IRAG1: variants seen among roughly 807,000 people sequenced by gnomAD.
IRAG1 encodes inositol 1,4,5-triphosphate receptor associated 1, also known as IP3R-associated cGMP kinase substrate.
A neutral mutation model predicts 106.2 loss-of-function variants in IRAG1; 62 were observed. The ratio of observed to expected loss-of-function variants is 0.58; its 90% CI spans 0.48 to 0.72. The LOEUF is 0.72. Ranked by LOEUF, IRAG1 falls within the 30% of genes least tolerant of loss-of-function variation. The probability of loss-of-function intolerance (pLI) is 0.00; values close to 1 mark genes in which losing one functional copy is unlikely to be tolerated. For missense variants in IRAG1, 1,064 were observed against 1,140.7 expected (o/e 0.93, Z 0.97); for synonymous variants, 462 against 443.9 (o/e 1.04, Z -0.51).
At chr11:10,612,007 T>C (rs1050278488) in intron 10 of IRAG1, among the ~76,000 whole-genome samples, 2 of 152,126 alleles carry the variant, frequency 1.3e-5, no homozygotes, top group African/African-American at 4.8e-5. Context: ...TTTTCTTGAA[T>C]GATATGAAGG....
rs1859705038 is a variant in IRAG1 at position 10,665,309 on chromosome 11, A to C, written c.68-13127T>G. Among the ~76,000 whole-genome samples the C allele has an allele frequency of 2.6e-5, 4 of 152,258 alleles. No individual in the cohort carries two copies. The South Asian group carries it at 8.3e-4, about 32-fold the overall frequency. On this transcript the variant is annotated intron_variant, in intron 1 of 20. Transcript: ENST00000423302. The surrounding 1 kb of genome is among the most constrained non-coding windows in gnomAD (Gnocchi z 4.2). ...GGCCCAGCATCTGGCCAGAAACCCC[A>C]GCCCAAACACAGAACCTTCTCCCAC...
intron 1 of IRAG1, among the ~76,000 whole-genome samples, chr11:10,671,304 T>C (rs1181904194): frequency 6.6e-6 from 1 of 152,250 alleles, no homozygotes; most frequent in Non-Finnish European, 1.5e-5. Context: ...GGATATATGA[T>C]TGATATAGTA....
chr11:10,660,628 G>A (rs10840460), intron 1 of IRAG1, among the ~76,000 whole-genome samples: 30,827 of 152,080 alleles, frequency 0.2, 4,737 homozygotes, highest in East Asian at 0.81. Flanking sequence ...GATGACTTTA[G>A]TATCACCCCA....
rs764825918 is a variant in IRAG1, at chr11:10,647,792, C to T, written c.225+4233G>A. On this transcript the variant is annotated intron_variant, in intron 2 of 20. Transcript: ENST00000423302. This position sits in a 1 kb window ranked among gnomAD's most constrained non-coding sequence, Gnocchi z 4.3. ...CCAGGTCTGGGGCCCTACAGTAAGG[C>T]GGAGATGGGCTGGTATGTGTCCTGA... Among the ~76,000 whole-genome samples the T allele has an allele frequency of 1.3e-5, 2 of 152,000 alleles. No individual in the cohort carries two copies. Among genetic ancestry groups the T allele is most frequent in the Non-Finnish European group, 2.9e-5 (2 of 67,994 alleles).
At chr11:10,585,136 CA>C (rs937884119) in intron 18 of IRAG1, among the ~76,000 whole-genome samples, 1 of 152,190 alleles carries the variant, frequency 6.6e-6, no homozygotes, top group Non-Finnish European at 1.5e-5. Flanking sequence ...TGTGTCATCA[CA>C]CATTATGCAC....
At chr11:10,668,868 T>C (rs1859996002) in intron 1 of IRAG1, among the ~76,000 whole-genome samples, 2 of 152,224 alleles carry the variant, frequency 1.3e-5, no homozygotes, top group South Asian at 2.1e-4. Flanking sequence ...AAAGCCCTGA[T>C]GGGAAGATGG....
Position 10,628,664 on chromosome 11 carries a change from G to T in IRAG1, c.652+87C>A. ...AGAGTTCTTGAAGGGGAAGCCTGCA[G>T]GCTGGGAGGCATGCTGATCTGTCCA... is the stretch of plus-strand genomic sequence containing the variant. On this transcript the variant is annotated intron_variant, in intron 6 of 20. Transcript: ENST00000423302. The surrounding 1 kb of genome is among the most constrained non-coding windows in gnomAD (Gnocchi z 4.1). 1 of 1,124,194 alleles carries T rather than the reference G, an allele frequency of 8.9e-7. No homozygotes were observed. The highest frequency in any genetic ancestry group is 1.2e-6 in the Non-Finnish European group (1 of 812,690). 69.6% of individuals were successfully genotyped at this position (1,124,194 alleles called of 1,614,324 possible). A position where few individuals can be genotyped will look rare whatever the true frequency, so the allele number is the denominator to read the frequency against.
At chr11:10,642,603 G>C (rs958258415) in intron 2 of IRAG1, among the ~76,000 whole-genome samples, 6 of 152,176 alleles carry the variant, frequency 3.9e-5, no homozygotes, top group Non-Finnish European at 7.3e-5. Flanking sequence ...ATCCCACCTG[G>C]GTGACCTTGG....
At position 10,623,788 on chromosome 11, in the gene IRAG1, C is replaced by T. The variant is rs867674840; in HGVS notation, c.1437G>A (p.Glu479=). The T allele has an allele frequency of 1.2e-6, 2 of 1,613,944 alleles. No individual in the cohort carries two copies. Among genetic ancestry groups the T allele is most frequent in the African/African-American group, 1.3e-5 (1 of 74,942 alleles). The change falls in exon 10 of 21, where the codon GAG becomes GAA. Residue 479 remains glutamate, a synonymous_variant. Transcript: ENST00000423302. ...LKLPDLSEAA[E]QEKGLPSELS... is the part of the protein sequence containing the mutation. ...CCCAACCCCACCTACCTTTTTCCTG[C>T]TCAGCTGCTTCACTAAGGTCTGGAA... is the stretch of plus-strand genomic sequence containing the variant.
intron 1 of IRAG1, among the ~76,000 whole-genome samples, chr11:10,675,741 T>C (rs1263328953): frequency 2.0e-5 from 3 of 152,218 alleles, no homozygotes; most frequent in Non-Finnish European, 4.4e-5. Context: ...CCCTCTTCCC[T>C]GACTGACAAA....
intron 1 of IRAG1, among the ~76,000 whole-genome samples, chr11:10,655,496 G>A (rs1304204498): frequency 4.6e-5 from 7 of 152,322 alleles, no homozygotes; most frequent in East Asian, 1.9e-4. Context: ...GGCAAGGGAC[G>A]ACCTTCTAGT....
chr11:10,633,125 A>T (rs1322875204), intron 3 of IRAG1, among the ~76,000 whole-genome samples: 15 of 134,142 alleles, frequency 1.1e-4, no homozygotes, highest in East Asian at 1.1e-3. Context: ...CCCAGGCTGG[A>T]GTGCAGTGGC....
chr11:10,577,257 A>G (rs1326587724), intron 20 of IRAG1, among the ~76,000 whole-genome samples: 1 of 152,006 alleles, frequency 6.6e-6, no homozygotes, highest in Non-Finnish European at 1.5e-5. Context: ...TTTATTCTCT[A>G]ATTTCTCCCT....
intron 14 of IRAG1, among the ~76,000 whole-genome samples, chr11:10,602,911 C>G (rs146564556): frequency 1.8e-3 from 271 of 152,238 alleles, no homozygotes; most frequent in Non-Finnish European, 3.0e-3. Flanking sequence ...CAAACTTGTG[C>G]GTCCACAGAA....
chr11:10,686,486 T>C (rs1303110541), intron 1 of IRAG1, among the ~76,000 whole-genome samples: 1 of 152,202 alleles, frequency 6.6e-6, no homozygotes, highest in African/African-American at 2.4e-5. Flanking sequence ...CTGATAAAGA[T>C]CATTACATAC....
At chr11:10,685,025 C>T (rs909608383) in intron 1 of IRAG1, among the ~76,000 whole-genome samples, 11 of 152,222 alleles carry the variant, frequency 7.2e-5, no homozygotes, top group African/African-American at 2.4e-4. Context: ...CATCAGGCCA[C>T]ATCATAGCTT....
chr11:10,575,084 C>T lies in IRAG1; in HGVS notation c.*1248G>A, dbSNP rs1207674564. The T allele has an allele frequency of 3.3e-5, 5 of 152,038 alleles. No homozygotes were observed. The highest frequency in any genetic ancestry group is 5.9e-5 in the Non-Finnish European group (4 of 67,994). 9.4% of individuals were successfully genotyped at this position (152,038 alleles called of 1,614,324 possible). On this transcript the variant is annotated 3_prime_UTR_variant, in exon 21 of 21. Transcript: ENST00000423302. ...TCAATAACAAAACAAAAATGCAAAACAATGACAACAAAACCCACATGGAAA... is the reference window on the plus strand; with the variant it reads ...TCAATAACAAAACAAAAATGCAAAATAATGACAACAAAACCCACATGGAAA...
At chr11:10,690,851 G>A (rs150017830) in intron 1 of IRAG1, among the ~76,000 whole-genome samples, 48 of 152,188 alleles carry the variant, frequency 3.2e-4, no homozygotes, top group African/African-American at 1.1e-3. Flanking sequence ...ATTTTCTCCC[G>A]TTTCCTTTTA....
intron 1 of IRAG1, among the ~76,000 whole-genome samples, chr11:10,668,191 T>C (rs76573573): frequency 0.035 from 5,363 of 152,336 alleles, 334 homozygotes; most frequent in African/African-American, 0.12. Flanking sequence ...CATTTCCTTT[T>C]AGCATTTTAA....
Sources: allele counts gnomAD v4.1 joint callset (sites outside exome capture counted in the v4.1 genomes callset), GRCh38; gene constraint gnomAD v4.1.1; non-coding constraint Gnocchi (gnomAD v3.1); transcripts MANE v1.5; gene names NCBI Gene and HGNC (gene_info 2026-07-23, HGNC 2026-07-21).